Variants in UMAD1 observed in about 807,000 individuals in gnomAD.
The protein encoded by UMAD1 is UBAP1-MVB12-associated (UMA) domain containing 1, also known as UBAP1-MVB12-associated (UMA)-domain containing protein 1.
In UMAD1, 8 loss-of-function variants were observed where a neutral mutation model predicts 6.1. That is an observed-to-expected ratio of 1.30 (90% CI 0.76 to 2.35). The LOEUF (loss-of-function observed/expected upper bound fraction) is 2.35, where lower values mean the gene tolerates loss of function less well. UMAD1 is among the 30% of genes most tolerant of loss of function. The probability of loss-of-function intolerance (pLI) is 0.00; values close to 1 mark genes in which losing one functional copy is unlikely to be tolerated. For synonymous variants in UMAD1, 56 were observed against 31.4 expected, an observed-to-expected ratio of 1.78 and a Z score of -2.61; for missense variants, 130 against 78.4, an observed-to-expected ratio of 1.66 and a Z score of -2.49.
intron 3 of UMAD1, among the ~76,000 whole-genome samples, chr7:7,847,820 G>C (rs1170290794): frequency 1.3e-5 from 2 of 152,038 alleles, no homozygotes; most frequent in African/African-American, 2.4e-5. Flanking sequence ...CAAAATGCTG[G>C]GATTACAGGC....
At chr7:7,739,862 G>C (rs1311993212) in intron 2 of UMAD1, among the ~76,000 whole-genome samples, 1 of 152,206 alleles carries the variant, frequency 6.6e-6, no homozygotes, top group African/African-American at 2.4e-5. Context: ...AAGACATTCA[G>C]ATTCTGCTTA....
At chr7:7,807,226 G>A (rs1431654544) in intron 3 of UMAD1, among the ~76,000 whole-genome samples, 2 of 152,020 alleles carry the variant, frequency 1.3e-5, no homozygotes, top group Non-Finnish European at 2.9e-5. Flanking sequence ...ATATTGTCTG[G>A]GGGAGTCAAA....
At chr7:7,691,710 T>G (rs1277143343) in intron 2 of UMAD1, among the ~76,000 whole-genome samples, 1 of 152,258 alleles carries the variant, frequency 6.6e-6, no homozygotes, top group African/African-American at 2.4e-5. Context: ...TTTTGTTCTA[T>G]GTATTTAAAG....
At chr7:7,827,122 GATATATAT>G (rs112036833) in intron 3 of UMAD1, among the ~76,000 whole-genome samples, 1,804 of 140,392 alleles carry the variant, frequency 0.013, 14 homozygotes, top group Non-Finnish European at 0.016. Context: ...CACAGTCCAG[GATATATAT>G]ATATATATAT....
In UMAD1 at chr7:7,757,695, G is replaced by A. The variant is rs117045226; in HGVS notation, c.83-43975G>A. ...AACCACTTGCTAGCTGTGGGGACTTGACAATTTCTTTAGCTTCTCTGAAAT... is the reference window on the plus strand; with the variant it reads ...AACCACTTGCTAGCTGTGGGGACTTAACAATTTCTTTAGCTTCTCTGAAAT... On this transcript the variant is annotated intron_variant, in intron 2 of 3. Coordinates refer to ENST00000682710, the MANE Select transcript of UMAD1 (RefSeq NM_001302348.2). Among the ~76,000 whole-genome samples the A allele has an allele frequency of 8.5e-3, 1,290 of 152,310 alleles. 7 individuals carry two copies. Among genetic ancestry groups the A allele is most frequent in the Middle Eastern group, 0.051 (15 of 294 alleles).
intron 3 of UMAD1, among the ~76,000 whole-genome samples, chr7:7,823,776 T>C (rs1038488179): frequency 6.6e-6 from 1 of 152,170 alleles, no homozygotes; most frequent in Non-Finnish European, 1.5e-5. Flanking sequence ...AGAAATCTAA[T>C]GCATCCCCTC....
chr7:7,771,423 A>G (rs1377034352), intron 2 of UMAD1, among the ~76,000 whole-genome samples: 3 of 152,158 alleles, frequency 2.0e-5, no homozygotes, highest in Admixed American at 1.3e-4. Flanking sequence ...TGCGGCAGCC[A>G]CAGGATGTTA....
intron 3 of UMAD1, among the ~76,000 whole-genome samples, chr7:7,821,793 C>A (rs1783246142): frequency 6.6e-6 from 1 of 152,142 alleles, no homozygotes; most frequent in Non-Finnish European, 1.5e-5. Flanking sequence ...GCCTCTTCCC[C>A]TGATGGCTTT....
Position 7,877,960 on chromosome 7 carries a change from A to AT in UMAD1, c.*429dup, listed in dbSNP as rs924311988. On this transcript the variant is annotated 3_prime_UTR_variant, in exon 4 of 4. Coordinates refer to ENST00000682710, the MANE Select transcript of UMAD1 (RefSeq NM_001302348.2). ...GAAGTTGAATTGGTGTTATTCCTGCATTTTTTTCTTCCACAGTGTTTATGA... is the reference window on the plus strand; with the variant it reads ...GAAGTTGAATTGGTGTTATTCCTGCATTTTTTTTCTTCCACAGTGTTTATGA... 1.6e-4 allele frequency: 26 copies of AT among 163,454 alleles called. No homozygotes were observed. Among genetic ancestry groups the AT allele is most frequent in the African/African-American group, 5.5e-4 (23 of 41,680 alleles). The allele number at this position is 163,454 out of a possible 1,614,324, so 10.1% of individuals were successfully genotyped here. A position where few individuals can be genotyped will look rare whatever the true frequency, so the allele number is the denominator to read the frequency against.
At chr7:7,704,053 G>A (rs1442515002) in intron 2 of UMAD1, among the ~76,000 whole-genome samples, 1 of 152,204 alleles carries the variant, frequency 6.6e-6, no homozygotes, top group Non-Finnish European at 1.5e-5. Flanking sequence ...TACTTTGATG[G>A]AATCCCAGAC....
chr7:7,843,614 G>A (rs904106957), intron 3 of UMAD1, among the ~76,000 whole-genome samples: 3 of 152,078 alleles, frequency 2.0e-5, no homozygotes, highest in Non-Finnish European at 4.4e-5. Flanking sequence ...TGTTTATTTG[G>A]ATAGAGTTCA....
At chr7:7,797,671 T>C (rs1583832524) in intron 2 of UMAD1, among the ~76,000 whole-genome samples, 1 of 151,860 alleles carries the variant, frequency 6.6e-6, no homozygotes, top group South Asian at 2.1e-4. Context: ...CATCCTTATA[T>C]AGCTAAAACA....
At chr7:7,670,187 A>G (rs1448725412) in intron 1 of UMAD1, among the ~76,000 whole-genome samples, 1 of 152,138 alleles carries the variant, frequency 6.6e-6, no homozygotes, top group African/African-American at 2.4e-5. Flanking sequence ...AACAACTTAA[A>G]CTTTTGGGGT....
At chr7:7,728,820 C>T (rs996409157) in intron 2 of UMAD1, among the ~76,000 whole-genome samples, 1 of 152,146 alleles carries the variant, frequency 6.6e-6, no homozygotes, top group Admixed American at 6.5e-5. Flanking sequence ...TCCATGTTTT[C>T]ATTCATTTAT....
intron 1 of UMAD1, among the ~76,000 whole-genome samples, chr7:7,667,774 C>T (rs942500656): frequency 6.6e-6 from 1 of 152,196 alleles, no homozygotes; most frequent in Non-Finnish European, 1.5e-5. Context: ...GAAAGTCCAA[C>T]ACAGACGTCC....
At chr7:7,658,914 G>A (rs569217615) in intron 1 of UMAD1, among the ~76,000 whole-genome samples, 23 of 152,134 alleles carry the variant, frequency 1.5e-4, no homozygotes, top group African/African-American at 5.3e-4. Context: ...GGTAGAATTT[G>A]GCTGTGAATC....
intron 2 of UMAD1, among the ~76,000 whole-genome samples, chr7:7,731,321 G>A (rs1781247164): frequency 6.6e-6 from 1 of 152,034 alleles, no homozygotes; most frequent in Admixed American, 6.6e-5. Context: ...TTTTAAGGAT[G>A]GAACTATTGT....
chr7:7,672,615 C>T (rs1044564767), intron 1 of UMAD1, among the ~76,000 whole-genome samples: 1 of 152,176 alleles, frequency 6.6e-6, no homozygotes, highest in African/African-American at 2.4e-5. Flanking sequence ...AGTGAGTTCT[C>T]ATGAGATCTG....
chr7:7,706,600 C>A (rs577507204), intron 2 of UMAD1, among the ~76,000 whole-genome samples: 1 of 152,088 alleles, frequency 6.6e-6, no homozygotes, highest in Non-Finnish European at 1.5e-5. Flanking sequence ...CATCCAAAGG[C>A]ACATACTAGT....
Sources: gnomAD v4.1 joint callset for allele counts (sites outside exome capture counted in the v4.1 genomes callset) on GRCh38, gnomAD v4.1.1 for gene constraint, MANE v1.5 for transcripts, NCBI Gene and HGNC (gene_info 2026-07-23, HGNC 2026-07-21) for gene names.